Variants in FAM222B observed in about 807,000 individuals in gnomAD.
The protein encoded by FAM222B is protein FAM222B.
FAM222B carries 12 observed loss-of-function variants against 38.0 expected under a neutral mutation model. That is an observed-to-expected ratio of 0.32 (90% CI 0.20 to 0.51). The LOEUF (loss-of-function observed/expected upper bound fraction) is 0.51. FAM222B is among the 20% of genes least tolerant of loss of function. The probability of loss-of-function intolerance (pLI) is 0.97; values close to 1 mark genes in which losing one functional copy is unlikely to be tolerated. For missense variants in FAM222B, 716 were observed against 754.2 expected (o/e 0.95, Z 0.59); for synonymous variants, 329 against 317.2 (o/e 1.04, Z -0.40).
At chr17:28,830,049 C>T (rs1293343979) in intron 1 of FAM222B, among the ~76,000 whole-genome samples, 1 of 151,942 alleles carries the variant, frequency 6.6e-6, no homozygotes, top group Non-Finnish European at 1.5e-5. Flanking sequence ...TGAGGTTTCA[C>T]TGTGTTAACC....
At chr17:28,767,337 T>C (rs1328849842) in intron 1 of FAM222B, among the ~76,000 whole-genome samples, 4 of 152,150 alleles carry the variant, frequency 2.6e-5, no homozygotes, top group Non-Finnish European at 5.9e-5. Context: ...TTTGTATTTT[T>C]AGTAGAGACG....
At position 28,820,656 on chromosome 17, in the gene FAM222B, C is replaced by T. The variant is rs141319251; in HGVS notation, c.-41+22026G>A. 2.5e-3 allele frequency among the ~76,000 whole-genome samples: 365 copies of T among 148,924 alleles called. 1 individual carries two copies. Among genetic ancestry groups the T allele is most frequent in the African/African-American group, 8.5e-3 (347 of 40,636 alleles). On this transcript the variant is annotated intron_variant, in intron 1 of 2. Transcript: ENST00000581407. ...TAAAACTTTTTTTTTTTTTTTGAGG[C>T]GAAGTCTCGCTCTGTCACCCAGGCT...
At chr17:28,790,456 C>G (rs567957772) in intron 1 of FAM222B, 29 of 152,180 alleles carry the variant, frequency 1.9e-4, no homozygotes, top group African/African-American at 7.0e-4. Flanking sequence ...AAATTAAACA[C>G]AAGGAACCAC....
intron 2 of FAM222B, among the ~76,000 whole-genome samples, chr17:28,760,670 G>C (rs2035029364): frequency 6.6e-6 from 1 of 152,146 alleles, no homozygotes; most frequent in Admixed American, 6.5e-5. Flanking sequence ...AAAGCTCCTT[G>C]TCAGGGCCAT....
intron 1 of FAM222B, among the ~76,000 whole-genome samples, chr17:28,776,424 C>A (rs2035900896): frequency 6.7e-6 from 1 of 148,920 alleles, no homozygotes. Flanking sequence ...TTCTTCTCAT[C>A]CATGAGCCAA....
At chr17:28,800,588 G>GA (rs1378209286) in intron 1 of FAM222B, among the ~76,000 whole-genome samples, 3 of 152,070 alleles carry the variant, frequency 2.0e-5, no homozygotes, top group Non-Finnish European at 4.4e-5. Flanking sequence ...ATATCTGGCT[G>GA]AAAAAGCTGC....
At chr17:28,821,764 T>G (rs1444428206) in intron 1 of FAM222B, among the ~76,000 whole-genome samples, 2 of 151,624 alleles carry the variant, frequency 1.3e-5, no homozygotes, top group Non-Finnish European at 2.9e-5. Context: ...GAGTTGGAGA[T>G]CAGCCTGGCC....
At chr17:28,838,861 C>T (rs2038940068) in intron 1 of FAM222B, among the ~76,000 whole-genome samples, 1 of 151,716 alleles carries the variant, frequency 6.6e-6, no homozygotes, top group African/African-American at 2.4e-5. Flanking sequence ...CAGCTGAGAT[C>T]TCGCCATTGC....
Position 28,759,975 on chromosome 17 carries a change from T to C in FAM222B, c.83-99A>G. 4 of 1,219,784 alleles carry C rather than the reference T, an allele frequency of 3.3e-6. No homozygotes were observed. Among genetic ancestry groups the C allele is most frequent in the Non-Finnish European group, 4.5e-6 (4 of 890,006 alleles). The allele number at this position is 1,219,784 out of a possible 1,614,324, so 75.6% of individuals were successfully genotyped here. ...AGATTCCCCTTTTGAGGGCCTGGGG[T>C]GGGGTGGGGAAATGACTAGATTGTC... On this transcript the variant is annotated intron_variant, in intron 2 of 2. Coordinates refer to ENST00000581407, the MANE Select transcript of FAM222B (RefSeq NM_001077498.3). The surrounding 1 kb of genome is among the most constrained non-coding windows in gnomAD (Gnocchi z 4.8).
At chr17:28,824,290 T>A (rs1241963707) in intron 1 of FAM222B, among the ~76,000 whole-genome samples, 2 of 151,516 alleles carry the variant, frequency 1.3e-5, no homozygotes, top group Non-Finnish European at 2.9e-5. Flanking sequence ...GCTCAAGCCA[T>A]CCTCCCACCT....
intron 1 of FAM222B, among the ~76,000 whole-genome samples, chr17:28,778,719 A>ATAT (rs1411311023): frequency 3.9e-5 from 1 of 25,490 alleles, no homozygotes; most frequent in African/African-American, 1.5e-4. Context: ...ATATATATAT[A>ATAT]TTTTTTTTTT....
chr17:28,766,508 G>C, intron 2 of FAM222B, 78 bp downstream of exon 2: 1 of 1,170,606 alleles, frequency 8.5e-7, no homozygotes, highest in Non-Finnish European at 1.2e-6. Context: ...GTGTACCCCA[G>C]ATGTGCTTCA....
chr17:28,841,113 G>C (rs1305927494), intron 1 of FAM222B, among the ~76,000 whole-genome samples: 1 of 152,060 alleles, frequency 6.6e-6, no homozygotes, highest in Non-Finnish European at 1.5e-5. Context: ...TGGCCAACAT[G>C]GTGAAACCCC....
Position 28,759,960 on chromosome 17 carries a change from T to C in FAM222B, c.83-84A>G. On this transcript the variant is annotated intron_variant, in intron 2 of 2. Transcript: ENST00000581407. This position sits in a 1 kb window ranked among gnomAD's most constrained non-coding sequence, Gnocchi z 4.8. ...GCAAACAGCCCTTCCAGATTCCCCT[T>C]TTGAGGGCCTGGGGTGGGGTGGGGA... 7.6e-7 allele frequency: 1 copy of C among 1,315,280 alleles called. No homozygotes were observed. The highest frequency in any genetic ancestry group is 1.0e-6 in the Non-Finnish European group (1 of 981,370). The allele number at this position is 1,315,280 out of a possible 1,614,324, so 81.5% of individuals were successfully genotyped here. A position where few individuals can be genotyped will look rare whatever the true frequency, so the allele number is the denominator to read the frequency against.
intron 1 of FAM222B, among the ~76,000 whole-genome samples, chr17:28,784,531 A>AAAAG (rs2036310658): frequency 7.1e-6 from 1 of 139,954 alleles, no homozygotes; most frequent in Non-Finnish European, 1.5e-5. Flanking sequence ...AAAAAAAAAA[A>AAAAG]GGCAATAATC....
chr17:28,766,605 C>A lies in FAM222B; in HGVS notation c.63G>T (p.Met21Ile). The A allele has an allele frequency of 6.2e-7, 1 of 1,603,366 alleles. No homozygotes were observed. The highest frequency in any genetic ancestry group is 1.1e-5 in the South Asian group (1 of 88,892). The part of the protein sequence containing the change: ...LSFQLLSHTQ[M>I]NTGLQKWDTT... ...ACTTACATTTCTGAAGTCCAGTGTT[C>A]ATCTGCGTGTGAGAAAGAAGCTGAA... Residue 21 changes from methionine to isoleucine, a missense_variant, in exon 2 of 3, where the codon ATG (methionine) becomes ATT (isoleucine). Physicochemically the swap from Met to Ile is conservative, Grantham distance 10. Coordinates refer to ENST00000581407, the MANE Select transcript of FAM222B (RefSeq NM_001077498.3).
At chr17:28,840,915 CGCACCACTGCACTCCAGCCTGGGTGACA>C (rs1235927652) in intron 1 of FAM222B, among the ~76,000 whole-genome samples, 11 of 147,966 alleles carry the variant, frequency 7.4e-5, no homozygotes, top group Non-Finnish European at 1.6e-4. Flanking sequence ...GAACCAAGTT[CGCACCACTGCACTCCAGCCTGGGTGACA>C]GAGCAAGACT....
rs1384865239 is a variant in FAM222B, at chr17:28,756,772, C to T, written c.*1498G>A. 6.6e-6 allele frequency: 1 copy of T among 151,432 alleles called. No individual in the cohort carries two copies. Among genetic ancestry groups the T allele is most frequent in the African/African-American group, 2.4e-5 (1 of 40,966 alleles). The allele number at this position is 151,432 out of a possible 1,614,324, so 9.4% of individuals were successfully genotyped here. On this transcript the variant is annotated 3_prime_UTR_variant, in exon 3 of 3. Transcript: ENST00000581407. The stretch of plus-strand genomic sequence containing the variant: ...TTTTAAATATAAGGCAACTTGCCAA[C>T]ACATAACTTAAAACTGGTCTTCAGT...
intron 1 of FAM222B, among the ~76,000 whole-genome samples, chr17:28,787,390 G>A (rs1191067034): frequency 6.6e-6 from 1 of 152,156 alleles, no homozygotes; most frequent in African/African-American, 2.4e-5. Context: ...GAGGAATCCT[G>A]ATATGTAATA....
Sources: allele counts gnomAD v4.1 joint callset (sites outside exome capture counted in the v4.1 genomes callset), GRCh38; gene constraint gnomAD v4.1.1; non-coding constraint Gnocchi (gnomAD v3.1); transcripts MANE v1.5; gene names NCBI Gene and HGNC (gene_info 2026-07-23, HGNC 2026-07-21).